Variants in MRPL45 observed in about 807,000 individuals in gnomAD.
MRPL45 encodes the protein large ribosomal subunit protein mL45.
A neutral mutation model predicts 38.1 loss-of-function variants in MRPL45; 20 were observed. The ratio of observed to expected loss-of-function variants is 0.53; its 90% CI spans 0.37 to 0.76. The LOEUF is 0.76. MRPL45 is among the 30% of genes least tolerant of loss of function. The pLI is 0.00. For synonymous variants in MRPL45, 105 were observed against 128.8 expected, an observed-to-expected ratio of 0.82 and a Z score of 1.25; for missense variants, 337 against 395.6, an observed-to-expected ratio of 0.85 and a Z score of 1.26.
At chr17:38,321,089 A>T (rs578128052) in intron 6 of MRPL45, among the ~76,000 whole-genome samples, 18 of 151,536 alleles carry the variant, frequency 1.2e-4, no homozygotes, top group African/African-American at 4.1e-4. Context: ...CAATCCTCCC[A>T]CCTCAGCCTC....
intron 4 of MRPL45, among the ~76,000 whole-genome samples, chr17:38,313,513 T>C (rs2037146068): frequency 6.7e-6 from 1 of 150,194 alleles, no homozygotes; most frequent in African/African-American, 2.5e-5. Context: ...TGAGCCACCA[T>C]GCCCAGCCTT....
chr17:38,313,206 A>G (rs910878738), intron 4 of MRPL45, among the ~76,000 whole-genome samples: 1 of 148,216 alleles, frequency 6.7e-6, no homozygotes, highest in African/African-American at 2.5e-5. Context: ...GATGGTCTCA[A>G]TCTCCTGACC....
rs181433632 is a variant in MRPL45, at chr17:38,314,504, T to C, written c.462-4183T>C. Among the ~76,000 whole-genome samples, 3 of 152,356 alleles carry C rather than the reference T, an allele frequency of 2.0e-5. No homozygotes were observed. In the East Asian group the frequency reaches 5.8e-4, roughly 29 times the overall value. On this transcript the variant is annotated intron_variant, in intron 4 of 7. Transcript: ENST00000613675. ...TTCTTTTGTTACCATATCGAGTTTTTTCTTTTGGTGTCATATTCAAGAAAT... is the reference window on the plus strand; with the variant it reads ...TTCTTTTGTTACCATATCGAGTTTTCTCTTTTGGTGTCATATTCAAGAAAT...
At chr17:38,301,033 A>G (rs1289220221) in intron 3 of MRPL45, among the ~76,000 whole-genome samples, 1 of 152,216 alleles carries the variant, frequency 6.6e-6, no homozygotes, top group African/African-American at 2.4e-5. Context: ...AAAGAATAAA[A>G]TCCAGATATC....
chr17:38,310,334 G>GTTTTTT (rs1183417154), intron 4 of MRPL45, among the ~76,000 whole-genome samples: 2 of 137,488 alleles, frequency 1.5e-5, no homozygotes, highest in Non-Finnish European at 1.6e-5. Flanking sequence ...TTTTGTTTTT[G>GTTTTTT]TTTTTTTTTT....
chr17:38,311,926 C>T (rs909909944), intron 4 of MRPL45, among the ~76,000 whole-genome samples: 1 of 152,098 alleles, frequency 6.6e-6, no homozygotes, highest in Non-Finnish European at 1.5e-5. Flanking sequence ...CTAGGTACCT[C>T]ACATAAGTGG....
chr17:38,308,245 C>T (rs1867586336), intron 4 of MRPL45, among the ~76,000 whole-genome samples: 1 of 151,472 alleles, frequency 6.6e-6, no homozygotes, highest in African/African-American at 2.4e-5. Context: ...CTTAGCCTCC[C>T]AAGTAACTGC....
chr17:38,311,848 T>G (rs1429379707), intron 4 of MRPL45, among the ~76,000 whole-genome samples: 1 of 152,064 alleles, frequency 6.6e-6, no homozygotes, highest in African/African-American at 2.4e-5. Flanking sequence ...CTGTGAGAAA[T>G]AAATGTTGTT....
intron 4 of MRPL45, among the ~76,000 whole-genome samples, chr17:38,317,633 G>A (rs1454532153): frequency 2.0e-5 from 3 of 151,834 alleles, no homozygotes; most frequent in African/African-American, 7.3e-5. Context: ...GTGCAGTGGC[G>A]TGATCTCAGC....
chr17:38,298,044 C>T (rs2036954754), intron 1 of MRPL45, among the ~76,000 whole-genome samples: 1 of 152,160 alleles, frequency 6.6e-6, no homozygotes. Flanking sequence ...CTGCAGTGAA[C>T]CGTGATCGTG....
chr17:38,305,577 C>T (rs2037045034), intron 3 of MRPL45, among the ~76,000 whole-genome samples: 1 of 150,464 alleles, frequency 6.6e-6, no homozygotes, highest in East Asian at 2.0e-4. Flanking sequence ...ACCTCTGCCT[C>T]CTAAGTTCAA....
chr17:38,313,368 G>GTATATATA (rs1183363484), intron 4 of MRPL45, among the ~76,000 whole-genome samples: 1 of 17,056 alleles, frequency 5.9e-5, no homozygotes, highest in African/African-American at 2.7e-4. Flanking sequence ...ATATATATAC[G>GTATATATA]TATATATATA....
chr17:38,298,940 G>A (rs565873031), intron 2 of MRPL45, among the ~76,000 whole-genome samples: 1,536 of 151,436 alleles, frequency 0.01, 17 homozygotes, highest in African/African-American at 0.035. Flanking sequence ...TCGTTCTGTC[G>A]CCCAGTGGCA....
chr17:38,297,355 T>C, intron 1 of MRPL45, 106 bp downstream of exon 1: 1 of 1,099,324 alleles, frequency 9.1e-7, no homozygotes, highest in East Asian at 2.5e-5. Context: ...ACAATACGAG[T>C]CATACCTAGG....
intron 7 of MRPL45, 33 bp from the exon 8 acceptor site, chr17:38,322,476 G>T (rs1424002684): frequency 6.3e-7 from 1 of 1,594,472 alleles, no homozygotes; most frequent in Non-Finnish European, 8.6e-7. Flanking sequence ...CATGGGCTTG[G>T]TTGGTGGGTA....
intron 3 of MRPL45, among the ~76,000 whole-genome samples, chr17:38,303,239 T>C (rs1174147567): frequency 6.6e-6 from 1 of 151,990 alleles, no homozygotes; most frequent in African/African-American, 2.4e-5. Context: ...GCTCATTTGC[T>C]TATGGAACTA....
At chr17:38,319,473 G>A (rs535284615) in intron 5 of MRPL45, among the ~76,000 whole-genome samples, 1 of 152,098 alleles carries the variant, frequency 6.6e-6, no homozygotes, top group Non-Finnish European at 1.5e-5. Context: ...GCCCTGCCTG[G>A]TTTTTCTTAA....
chr17:38,318,560 G>T, intron 4 of MRPL45, 127 bp from the exon 5 acceptor site: 1 of 625,822 alleles, frequency 1.6e-6, no homozygotes, highest in Non-Finnish European at 3.0e-6. Context: ...TTTATACCTG[G>T]CTTATACTAG....
chr17:38,305,296 A>G (rs1391633655), intron 3 of MRPL45, among the ~76,000 whole-genome samples: 3 of 137,492 alleles, frequency 2.2e-5, no homozygotes, highest in Non-Finnish European at 4.8e-5. Flanking sequence ...GTGAAACCCC[A>G]TCTCTACTAA....
Sources: gnomAD v4.1 joint callset for allele counts (sites outside exome capture counted in the v4.1 genomes callset) on GRCh38, gnomAD v4.1.1 for gene constraint, MANE v1.5 for transcripts, NCBI Gene and HGNC (gene_info 2026-07-23, HGNC 2026-07-21) for gene names.